Variants in KIRREL3 observed in about 807,000 individuals in gnomAD.
KIRREL3 encodes kirre like nephrin family adhesion molecule 3, also known as kin of IRRE-like protein 3.
A neutral mutation model predicts 89.7 loss-of-function variants in KIRREL3; 36 were observed. The ratio of observed to expected loss-of-function variants is 0.40; its 90% CI spans 0.31 to 0.53. KIRREL3 has a LOEUF of 0.53. KIRREL3 is among the 20% of genes least tolerant of loss of function. The pLI is 0.49. For synonymous variants in KIRREL3, 445 were observed against 441.4 expected (o/e 1.01, Z -0.10); for missense variants, 864 against 1,056.6 (o/e 0.82, Z 2.53).
At position 126,431,581 on chromosome 11, in the gene KIRREL3, C is replaced by G; in HGVS notation, c.1589-55G>C. Reference sequence around the variant, plus strand: ...ACGGATGGGGAATGGCCTACTATCCCCCCATGATCTCACCCCGTTCCTGCG... The same window carrying G: ...ACGGATGGGGAATGGCCTACTATCCGCCCATGATCTCACCCCGTTCCTGCG... On this transcript the variant is annotated intron_variant, in intron 13 of 16. Transcript: ENST00000525144. This position sits in a 1 kb window ranked among gnomAD's most constrained non-coding sequence, Gnocchi z 7.1. 2 of 1,549,022 alleles carry G rather than the reference C, an allele frequency of 1.3e-6. No individual in the cohort carries two copies. Among genetic ancestry groups the G allele is most frequent in the South Asian group, 2.3e-5 (2 of 88,848 alleles).
At chr11:126,545,610 A>AAAAATAAAATAAAATAAAATAAAAT (rs200693654) in intron 2 of KIRREL3, among the ~76,000 whole-genome samples, 4,594 of 148,254 alleles carry the variant, frequency 0.031, 253 homozygotes, top group African/African-American at 0.11. Context: ...CTCAATTTTT[A>AAAAATAAAATAAAATAAAATAAAAT]AAAATAAAAT....
chr11:126,452,365 G>T (rs1270583691), intron 7 of KIRREL3, among the ~76,000 whole-genome samples: 1 of 152,254 alleles, frequency 6.6e-6, no homozygotes, highest in Admixed American at 6.5e-5. Flanking sequence ...GGCACAGCTA[G>T]GGAAGTGTGT....
rs1944957832 is a variant in KIRREL3 at position 126,652,809 on chromosome 11, C to A, written c.56-89897G>T. 1 of 152,198 alleles carries A rather than the reference C, an allele frequency of 6.6e-6. No homozygotes were observed. The allele number at this position is 152,198 out of a possible 1,614,324, so 9.4% of individuals were successfully genotyped here. On this transcript the variant is annotated intron_variant, in intron 1 of 16. Transcript: ENST00000525144. This position sits in a 1 kb window ranked among gnomAD's most constrained non-coding sequence, Gnocchi z 4.9. ...ATTCACCAGGACAGAGGCCTTTCAA[C>A]TTTCCTCCCTGAGATCTTCCTCCGT...
At chr11:126,511,570 T>C (rs2134398798) in intron 4 of KIRREL3, among the ~76,000 whole-genome samples, 1 of 152,332 alleles carries the variant, frequency 6.6e-6, no homozygotes, top group South Asian at 2.1e-4. Flanking sequence ...TCTGCTTCTG[T>C]GGTGTCCTAT....
Position 126,904,991 on chromosome 11 carries a change from T to C in KIRREL3, c.55+95464A>G, listed in dbSNP as rs1946520037. On this transcript the variant is annotated intron_variant, in intron 1 of 16. Coordinates refer to ENST00000525144, the MANE Select transcript of KIRREL3 (RefSeq NM_032531.4). The surrounding 1 kb of genome is among the most constrained non-coding windows in gnomAD (Gnocchi z 4.4). ...CAGAAATAGTGTGTAAAAAAATTCATCTTCAGATGGGTATTTGTGGCAATG... is the reference window on the plus strand; with the variant it reads ...CAGAAATAGTGTGTAAAAAAATTCACCTTCAGATGGGTATTTGTGGCAATG... 6.6e-6 allele frequency among the ~76,000 whole-genome samples: 1 copy of C among 152,186 alleles called. No individual in the cohort carries two copies. Among genetic ancestry groups the C allele is most frequent in the Non-Finnish European group, 1.5e-5 (1 of 68,038 alleles).
At position 126,867,019 on chromosome 11, in the gene KIRREL3, T is replaced by A; in HGVS notation, c.55+133436A>T. On this transcript the variant is annotated intron_variant, in intron 1 of 16. Coordinates refer to ENST00000525144, the MANE Select transcript of KIRREL3 (RefSeq NM_032531.4). The surrounding 1 kb of genome is among the most constrained non-coding windows in gnomAD (Gnocchi z 4.7). ...CCTTGCGATAAGGCAGAGGGTCTAA[T>A]TGAGCTGGTTAACACAAGCTGCCAA... Among the ~76,000 whole-genome samples, 1 of 152,340 alleles carries A rather than the reference T, an allele frequency of 6.6e-6. No individual in the cohort carries two copies. Among genetic ancestry groups the A allele is most frequent in the Non-Finnish European group, 1.5e-5 (1 of 68,040 alleles).
intron 1 of KIRREL3, among the ~76,000 whole-genome samples, chr11:126,737,803 T>G (rs1426796205): frequency 1.3e-5 from 2 of 152,208 alleles, no homozygotes; most frequent in Non-Finnish European, 2.9e-5. Flanking sequence ...GTATACAACA[T>G]GTAATGGTCA....
In KIRREL3 at chr11:126,489,676, C is replaced by G. The variant is rs947550551; in HGVS notation, c.434-16210G>C. Reference sequence around the variant, plus strand: ...GACGTGCCCCTTCCCCTCTGCATTCCCCACTCTCCACCTTCCACCACCCCT... The same window carrying G: ...GACGTGCCCCTTCCCCTCTGCATTCGCCACTCTCCACCTTCCACCACCCCT... On this transcript the variant is annotated intron_variant, in intron 4 of 16. Transcript: ENST00000525144. The surrounding 1 kb of genome is among the most constrained non-coding windows in gnomAD (Gnocchi z 5.5). 2.1e-4 allele frequency among the ~76,000 whole-genome samples: 32 copies of G among 152,234 alleles called. No individual in the cohort carries two copies. Among genetic ancestry groups the G allele is most frequent in the African/African-American group, 7.7e-4 (32 of 41,548 alleles).
At chr11:126,469,058 C>T (rs368983386) in intron 5 of KIRREL3, among the ~76,000 whole-genome samples, 2 of 152,190 alleles carry the variant, frequency 1.3e-5, no homozygotes, top group East Asian at 3.8e-4. Context: ...ATGTGCCAGG[C>T]GTGTTTCTCA....
At chr11:126,456,274 A>G (rs1956341204) in intron 7 of KIRREL3, 75 bp downstream of exon 7, 1 of 957,876 alleles carries the variant, frequency 1.0e-6, no homozygotes, top group Non-Finnish European at 1.6e-6. Context: ...TGAGGACCCT[A>G]AGTGACATCC....
chr11:127,002,035 C>T (rs186825875), upstream of KIRREL3, among the ~76,000 whole-genome samples: 3 of 152,288 alleles, frequency 2.0e-5, no homozygotes, highest in East Asian at 3.9e-4. Context: ...CTTAGCCTTT[C>T]CTCTTTCAGT....
chr11:126,737,843 A>G (rs1001366817), intron 1 of KIRREL3, among the ~76,000 whole-genome samples: 1 of 152,202 alleles, frequency 6.6e-6, no homozygotes, highest in East Asian at 1.9e-4. Context: ...CATCAACTCA[A>G]GCATTTATTA....
intron 1 of KIRREL3, among the ~76,000 whole-genome samples, chr11:126,974,443 CCGTTACACACCTA>C (rs1215771961): frequency 1.7e-4 from 26 of 151,138 alleles, no homozygotes; most frequent in Non-Finnish European, 3.1e-4. Context: ...ATGGTATAGC[CCGTTACACACCTA>C]GGCTACATGG....
chr11:126,716,320 C>T (rs951150559), intron 1 of KIRREL3, among the ~76,000 whole-genome samples: 7 of 152,078 alleles, frequency 4.6e-5, no homozygotes, highest in Non-Finnish European at 8.8e-5. Context: ...ACGCATTGAG[C>T]TAGGTGTCAT....
intron 1 of KIRREL3, among the ~76,000 whole-genome samples, chr11:126,749,918 T>C (rs974962008): frequency 1.4e-4 from 22 of 152,304 alleles, no homozygotes; most frequent in African/African-American, 5.1e-4. Flanking sequence ...ATCAGGGCTG[T>C]GTAGAGAAAC....
rs1950175841 is a variant in KIRREL3 at position 126,776,587 on chromosome 11, A to G, written c.56-213675T>C. Among the ~76,000 whole-genome samples, 1 of 152,214 alleles carries G rather than the reference A, an allele frequency of 6.6e-6. No individual in the cohort carries two copies. Among genetic ancestry groups the G allele is most frequent in the East Asian group, 1.9e-4 (1 of 5,192 alleles). On this transcript the variant is annotated intron_variant, in intron 1 of 16. Coordinates refer to ENST00000525144, the MANE Select transcript of KIRREL3 (RefSeq NM_032531.4). The surrounding 1 kb of genome is among the most constrained non-coding windows in gnomAD (Gnocchi z 4.7). Reference sequence around the variant, plus strand: ...AGAGAGATTGAGTCCTTCTCTAGCAATAAGACCTAGCATGACTCAAAAGCT... The same window carrying G: ...AGAGAGATTGAGTCCTTCTCTAGCAGTAAGACCTAGCATGACTCAAAAGCT...
In KIRREL3 at chr11:126,940,451, G is replaced by A. The variant is rs1003268014; in HGVS notation, c.55+60004C>T. The A allele has an allele frequency of 4.6e-5, 7 of 152,094 alleles. No homozygotes were observed. The highest frequency in any genetic ancestry group is 1.2e-4 in the African/African-American group (5 of 41,406). The allele number at this position is 152,094 out of a possible 1,614,324, so 9.4% of individuals were successfully genotyped here. On this transcript the variant is annotated intron_variant, in intron 1 of 16. Coordinates refer to ENST00000525144, the MANE Select transcript of KIRREL3 (RefSeq NM_032531.4). The surrounding 1 kb of genome is among the most constrained non-coding windows in gnomAD (Gnocchi z 4.6). ...AAAAAATGAACAGTATTTCTTACCC[G>A]AGTGAAGCTTTAAAAGTCATTATGA...
rs1224213544 is a variant in KIRREL3 at position 126,997,247 on chromosome 11, T to C, written c.55+3208A>G. On this transcript the variant is annotated intron_variant, in intron 1 of 16. Coordinates refer to ENST00000525144, the MANE Select transcript of KIRREL3 (RefSeq NM_032531.4). The surrounding 1 kb of genome is among the most constrained non-coding windows in gnomAD (Gnocchi z 4.3). Reference sequence around the variant, plus strand: ...GTTTATGGATGACAAAAGAATCGATTATTTTTTCACCCAGGGGCAGAACAT... The same window carrying C: ...GTTTATGGATGACAAAAGAATCGATCATTTTTTCACCCAGGGGCAGAACAT... 1.3e-5 allele frequency among the ~76,000 whole-genome samples: 2 copies of C among 152,202 alleles called. No homozygotes were observed. The highest frequency in any genetic ancestry group is 4.8e-5 in the African/African-American group (2 of 41,440).
At chr11:126,786,551 T>C (rs186828771) in intron 1 of KIRREL3, among the ~76,000 whole-genome samples, 1 of 152,304 alleles carries the variant, frequency 6.6e-6, no homozygotes, top group Admixed American at 6.5e-5. Context: ...AAAATAAACA[T>C]GGCCTGGAAA....
Sources: allele counts gnomAD v4.1 joint callset (sites outside exome capture counted in the v4.1 genomes callset), GRCh38; gene constraint gnomAD v4.1.1; non-coding constraint Gnocchi (gnomAD v3.1); transcripts MANE v1.5; gene names NCBI Gene and HGNC (gene_info 2026-07-23, HGNC 2026-07-21).